ARNT: variants seen among roughly 807,000 people sequenced by gnomAD.
ARNT encodes the protein aryl hydrocarbon receptor nuclear translocator.
ARNT carries 30 observed loss-of-function variants against 105.0 expected under a neutral mutation model. The observed-to-expected ratio is 0.29, with a 90% CI of 0.21 to 0.39. The LOEUF is 0.39. Ranked by LOEUF, ARNT falls within the 10% of genes least tolerant of loss-of-function variation. ARNT has a pLI of 1.00. For synonymous variants in ARNT, 304 were observed against 344.0 expected, an observed-to-expected ratio of 0.88 and a Z score of 1.29; for missense variants, 748 against 978.7, an observed-to-expected ratio of 0.76 and a Z score of 3.15.
At chr1:150,847,053 T>A (rs1462684748) in intron 3 of ARNT, among the ~76,000 whole-genome samples, 1 of 152,208 alleles carries the variant, frequency 6.6e-6, no homozygotes, top group East Asian at 1.9e-4. Flanking sequence ...TCTTATCTAT[T>A]GCGCAAAATG....
intron 3 of ARNT, among the ~76,000 whole-genome samples, chr1:150,848,858 A>C (rs186441310): frequency 1.6e-4 from 24 of 152,168 alleles, no homozygotes; most frequent in Non-Finnish European, 2.9e-4. Context: ...AAATACACTT[A>C]TATTACTTTC....
At chr1:150,821,459 A>G (rs1657042484) in intron 14 of ARNT, among the ~76,000 whole-genome samples, 3 of 152,250 alleles carry the variant, frequency 2.0e-5, no homozygotes, top group Admixed American at 2.0e-4. Context: ...AGCATCACAC[A>G]GCATTTTAAG....
chr1:150,811,016 A>G lies in ARNT; in HGVS notation c.*1005T>C, dbSNP rs1571143136. 8.6e-6 allele frequency: 2 copies of G among 231,242 alleles called. No individual in the cohort carries two copies. The highest frequency in any genetic ancestry group is 6.1e-5 in the East Asian group (1 of 16,340). The allele number at this position is 231,242 out of a possible 1,614,324, so 14.3% of individuals were successfully genotyped here. On this transcript the variant is annotated 3_prime_UTR_variant, in exon 22 of 22. Coordinates refer to ENST00000358595, the MANE Select transcript of ARNT (RefSeq NM_001668.4). ...CAAGAAGTTGAGTTTCCATGCAGAAATAACCTCTACAGAACACACATCATA... is the reference window on the plus strand; with the variant it reads ...CAAGAAGTTGAGTTTCCATGCAGAAGTAACCTCTACAGAACACACATCATA...
chr1:150,836,581 C>T, intron 6 of ARNT, 88 bp from the exon 7 acceptor site: 2 of 1,313,586 alleles, frequency 1.5e-6, no homozygotes, highest in South Asian at 2.9e-5. Flanking sequence ...CACTTCAGGC[C>T]ACATGCATCT....
chr1:150,873,630 A>T (rs927393747), intron 1 of ARNT, among the ~76,000 whole-genome samples: 1 of 152,166 alleles, frequency 6.6e-6, no homozygotes, highest in African/African-American at 2.4e-5. Flanking sequence ...AACCCTAAGG[A>T]TTAACTTGGC....
chr1:150,811,315 G>A lies in ARNT; in HGVS notation c.*706C>T, dbSNP rs1427271915. The A allele has an allele frequency of 2.6e-5, 6 of 233,630 alleles. No individual in the cohort carries two copies. In the East Asian group the frequency reaches 3.0e-4, roughly 12 times the overall value. 14.5% of individuals were successfully genotyped at this position (233,630 alleles called of 1,614,324 possible). A position where few individuals can be genotyped will look rare whatever the true frequency, so the allele number is the denominator to read the frequency against. On this transcript the variant is annotated 3_prime_UTR_variant, in exon 22 of 22. Coordinates refer to ENST00000358595, the MANE Select transcript of ARNT (RefSeq NM_001668.4). ...ACGTTTATTTAAATATTCTTTGGCT[G>A]CAATACTAAGTGGAAAATACCTGGA...
chr1:150,849,564 T>C (rs1301166867), intron 3 of ARNT, among the ~76,000 whole-genome samples: 4 of 152,142 alleles, frequency 2.6e-5, no homozygotes, highest in Non-Finnish European at 4.4e-5. Flanking sequence ...GGTGGGAGGA[T>C]TGCTTGAGCA....
intron 2 of ARNT, among the ~76,000 whole-genome samples, chr1:150,853,934 G>A (rs72704654): frequency 0.35 from 52,408 of 151,852 alleles, 9,376 homozygotes; most frequent in South Asian, 0.53. Flanking sequence ...GATATTATGG[G>A]CCTCTAGATG....
At position 150,813,209 on chromosome 1, in the gene ARNT, G is replaced by A. The variant is rs766756351; in HGVS notation, c.2243C>T (p.Pro748Leu). ...SSSSEQHVQQPPAQQPGQPEV... is the reference protein window; with the variant it reads ...SSSSEQHVQQLPAQQPGQPEV... ...AGGCTGGCCAGGTTGCTGTGCTGGC[G>A]GTTGTTGAACATGTTGCTCACTAGA... Residue 748 changes from proline (P) to leucine (L), a missense_variant, in exon 21 of 22, where the codon CCG becomes CTG. Pro to Leu is a moderately conservative substitution (Grantham distance 98). Coordinates refer to ENST00000358595, the MANE Select transcript of ARNT (RefSeq NM_001668.4). 31 of 1,613,326 alleles carry A rather than the reference G, an allele frequency of 1.9e-5. No individual in the cohort carries two copies. Among genetic ancestry groups the A allele is most frequent in the Middle Eastern group, 3.3e-4 (2 of 6,084 alleles).
At chr1:150,835,144 A>AG (rs933379088) in intron 7 of ARNT, among the ~76,000 whole-genome samples, 1 of 151,408 alleles carries the variant, frequency 6.6e-6, no homozygotes, top group African/African-American at 2.4e-5. Flanking sequence ...GTCTCAAAAA[A>AG]AAAAAAAAGA....
At chr1:150,857,839 C>T (rs1471531157) in intron 2 of ARNT, among the ~76,000 whole-genome samples, 1 of 152,146 alleles carries the variant, frequency 6.6e-6, no homozygotes, top group Non-Finnish European at 1.5e-5. Context: ...AGGACTGTGT[C>T]TTATTCATCT....
At position 150,816,780 on chromosome 1, in the gene ARNT, G is replaced by A. The variant is rs377425210; in HGVS notation, c.1802+8C>T. On this transcript the variant is annotated splice_region_variant and intron_variant, in intron 18 of 21. Transcript: ENST00000358595. ...CCCTGTAAAGCAGCACATATATACG[G>A]GGCTCACCTGAAATTCTCTGCCGGC... 139 of 1,575,630 alleles carry A rather than the reference G, an allele frequency of 8.8e-5. No homozygotes were observed. Among genetic ancestry groups the A allele is most frequent in the Non-Finnish European group, 1.1e-4 (134 of 1,169,320 alleles).
intron 10 of ARNT, 50 bp downstream of exon 10, chr1:150,831,768 T>C (rs778805467): frequency 5.3e-6 from 7 of 1,321,228 alleles, no homozygotes; most frequent in African/African-American, 1.5e-5. Context: ...ATGGACTCTG[T>C]GAGGAACCAA....
chr1:150,869,256 T>C (rs1049673455), intron 1 of ARNT, among the ~76,000 whole-genome samples: 2 of 152,146 alleles, frequency 1.3e-5, no homozygotes, highest in Admixed American at 1.3e-4. Flanking sequence ...GGTGGGCGGA[T>C]CACAAGGTCA....
At chr1:150,849,277 T>C (rs896372514) in intron 3 of ARNT, among the ~76,000 whole-genome samples, 3 of 152,188 alleles carry the variant, frequency 2.0e-5, no homozygotes, top group African/African-American at 7.2e-5. Flanking sequence ...CATTTTTTTT[T>C]CATTGGGCTC....
intron 1 of ARNT, among the ~76,000 whole-genome samples, chr1:150,868,639 C>T (rs1571526110): frequency 6.6e-6 from 1 of 151,860 alleles, no homozygotes; most frequent in African/African-American, 2.4e-5. Context: ...CGGTGGCTCA[C>T]GCCTGTAATC....
intron 13 of ARNT, among the ~76,000 whole-genome samples, chr1:150,825,716 G>C (rs1571238670): frequency 6.6e-6 from 1 of 152,074 alleles, no homozygotes; most frequent in African/African-American, 2.4e-5. Flanking sequence ...GGGCGTGGCA[G>C]CATGTGCCTA....
intron 10 of ARNT, chr1:150,831,593 C>T: frequency 2.1e-6 from 1 of 483,182 alleles, no homozygotes; most frequent in African/African-American, 2.0e-5. Flanking sequence ...CATTCTGTGA[C>T]ACAGCCAATA....
chr1:150,824,774 G>C (rs1657860522), intron 13 of ARNT, among the ~76,000 whole-genome samples: 1 of 151,936 alleles, frequency 6.6e-6, no homozygotes, highest in Admixed American at 6.6e-5. Flanking sequence ...TGTTTTCACA[G>C]CATCTACAGA....
Sources: gnomAD v4.1 joint callset for allele counts (sites outside exome capture counted in the v4.1 genomes callset) on GRCh38, gnomAD v4.1.1 for gene constraint, MANE v1.5 for transcripts, NCBI Gene and HGNC (gene_info 2026-07-23, HGNC 2026-07-21) for gene names.